Variants in LPP observed in about 807,000 individuals in gnomAD.
LPP encodes lipoma-preferred partner.
Under a neutral mutation model 60.4 loss-of-function variants are expected in LPP, and 38 were observed. The observed-to-expected ratio is 0.63, with a 90% confidence interval of 0.49 to 0.83. LPP has a LOEUF of 0.83. LPP is among the 40% of genes least tolerant of loss of function. The pLI is 0.00. For missense variants in LPP, 902 were observed against 783.6 expected (o/e 1.15, Z -1.80); for synonymous variants, 328 against 290.8 (o/e 1.13, Z -1.30).
At chr3:188,712,136 A>C (rs1221456484) in intron 8 of LPP, 1 of 152,252 alleles carries the variant, frequency 6.6e-6, no homozygotes, top group Non-Finnish European at 1.5e-5. Flanking sequence ...TTGCACATTG[A>C]GATCACATGC....
At chr3:188,563,672 A>G (rs1831338446) in intron 6 of LPP, among the ~76,000 whole-genome samples, 1 of 149,564 alleles carries the variant, frequency 6.7e-6, no homozygotes, top group South Asian at 2.1e-4. Context: ...GCTTCCTTGC[A>G]TATGTATCTT....
At chr3:188,516,779 G>A (rs1032341684) in intron 5 of LPP, among the ~76,000 whole-genome samples, 4 of 151,758 alleles carry the variant, frequency 2.6e-5, no homozygotes, top group African/African-American at 9.7e-5. Context: ...TAAGTTCTTG[G>A]GCCTCACCCA....
intron 6 of LPP, among the ~76,000 whole-genome samples, chr3:188,563,728 G>GTTTT (rs5855207): frequency 1.4e-4 from 20 of 145,144 alleles, no homozygotes; most frequent in African/African-American, 4.3e-4. Flanking sequence ...GTTTTTTTTT[G>GTTTT]TTTTTTTTTT....
intron 5 of LPP, among the ~76,000 whole-genome samples, chr3:188,488,769 TG>T (rs1175350152): frequency 6.6e-6 from 1 of 152,048 alleles, no homozygotes; most frequent in African/African-American, 2.4e-5. Context: ...CCTGAGTAGC[TG>T]GGACTACAGG....
rs774858089 is a variant in LPP, at chr3:188,872,629, C to G, written c.1590-14C>G. ...ACGCGCAGTATCTAACCAGAACTCT[C>G]TCTTCACTTTCAGGAAATTTGCCCC... is the stretch of plus-strand genomic sequence containing the variant. On this transcript the variant is annotated splice_polypyrimidine_tract_variant and intron_variant, in intron 10 of 11. Coordinates refer to ENST00000617246, the MANE Select transcript of LPP (RefSeq NM_001375462.1). 6.2e-7 allele frequency: 1 copy of G among 1,614,076 alleles called. No individual in the cohort carries two copies. The highest frequency in any genetic ancestry group is 1.1e-5 in the South Asian group (1 of 91,076).
chr3:188,431,778 T>C (rs1367934115), intron 4 of LPP, among the ~76,000 whole-genome samples: 1 of 152,186 alleles, frequency 6.6e-6, no homozygotes, highest in Admixed American at 6.5e-5. Flanking sequence ...TGCTCTAAGA[T>C]TGTACAAAAG....
intron 3 of LPP, among the ~76,000 whole-genome samples, chr3:188,397,891 G>A (rs1781352605): frequency 6.6e-6 from 1 of 152,094 alleles, no homozygotes; most frequent in Non-Finnish European, 1.5e-5. Flanking sequence ...TGGGATTACA[G>A]GTCTGAGCCA....
intron 4 of LPP, among the ~76,000 whole-genome samples, chr3:188,434,323 T>C (rs1485454742): frequency 6.6e-6 from 1 of 152,178 alleles, no homozygotes; most frequent in African/African-American, 2.4e-5. Flanking sequence ...ATATATTTTT[T>C]CATATATAGG....
intron 7 of LPP, among the ~76,000 whole-genome samples, chr3:188,675,458 C>T (rs1346022484): frequency 6.6e-6 from 1 of 152,144 alleles, no homozygotes; most frequent in Non-Finnish European, 1.5e-5. Flanking sequence ...GTGAATAGCT[C>T]CTAGCAAATT....
At chr3:188,738,522 C>G (rs181015835) in intron 8 of LPP, among the ~76,000 whole-genome samples, 49 of 152,268 alleles carry the variant, frequency 3.2e-4, no homozygotes, top group African/African-American at 1.2e-3. Flanking sequence ...GAGAATCTTA[C>G]TCTACCCTAG....
In LPP at chr3:188,815,970, A is replaced by C. The variant is rs141960034; in HGVS notation, c.1411-50230A>C. Reference sequence around the variant, plus strand: ...CTGTTGAGACAGGATCCGAAAGTAAATTTCATAAGAAAAAAATGATTATAC... The same window carrying C: ...CTGTTGAGACAGGATCCGAAAGTAACTTTCATAAGAAAAAAATGATTATAC... On this transcript the variant is annotated intron_variant, in intron 9 of 11. Coordinates refer to ENST00000617246, the MANE Select transcript of LPP (RefSeq NM_001375462.1). Among the ~76,000 whole-genome samples the C allele has an allele frequency of 5.3e-4, 81 of 152,314 alleles. 1 individual carries two copies. The highest frequency in any genetic ancestry group is 2.7e-3 in the South Asian group (13 of 4,822).
intron 9 of LPP, among the ~76,000 whole-genome samples, chr3:188,807,507 A>G (rs1177507116): frequency 2.6e-5 from 4 of 151,996 alleles, no homozygotes; most frequent in Non-Finnish European, 5.9e-5. Flanking sequence ...TTCTAACTAC[A>G]TACAGGCTTA....
At chr3:188,806,188 A>G (rs759973057) in intron 9 of LPP, among the ~76,000 whole-genome samples, 2 of 151,920 alleles carry the variant, frequency 1.3e-5, no homozygotes, top group South Asian at 2.1e-4. Context: ...TTTGAGCATA[A>G]TTGTAGGTTT....
At chr3:188,753,798 T>A (rs551568794) in intron 8 of LPP, among the ~76,000 whole-genome samples, 1 of 152,096 alleles carries the variant, frequency 6.6e-6, no homozygotes, top group Admixed American at 6.5e-5. Context: ...TGTATATGTA[T>A]TTGTAGAGGG....
intron 8 of LPP, among the ~76,000 whole-genome samples, chr3:188,730,413 AT>A (rs1720014265): frequency 6.6e-6 from 1 of 152,302 alleles, no homozygotes; most frequent in African/African-American, 2.4e-5. Flanking sequence ...TGTACCACGT[AT>A]TTACAGTGTT....
At chr3:188,730,271 ACTT>A (rs1398821924) in intron 8 of LPP, among the ~76,000 whole-genome samples, 1 of 152,118 alleles carries the variant, frequency 6.6e-6, no homozygotes, top group Non-Finnish European at 1.5e-5. Flanking sequence ...CCTAATTCTG[ACTT>A]CATTATTTAT....
intron 4 of LPP, among the ~76,000 whole-genome samples, chr3:188,478,911 G>A (rs1448330822): frequency 2.0e-5 from 3 of 151,842 alleles, no homozygotes; most frequent in Admixed American, 6.6e-5. Context: ...CTGCTACCAC[G>A]CCTGGCTAAT....
intron 5 of LPP, 110 bp downstream of exon 5, chr3:188,484,814 C>T (rs1028401421): frequency 2.6e-5 from 21 of 808,912 alleles, no homozygotes; most frequent in Admixed American, 1.4e-4. Flanking sequence ...GCTGGATAAA[C>T]ATTTATCCAG....
chr3:188,370,741 ATTTGAGGAGGTCGCTG>A (rs1772801009), intron 3 of LPP, among the ~76,000 whole-genome samples: 1 of 152,176 alleles, frequency 6.6e-6, no homozygotes, highest in Admixed American at 6.5e-5. Context: ...TGGGAAAGCC[ATTTGAGGAGGTCGCTG>A]TGGCATGAAT....
Sources: allele counts gnomAD v4.1 joint callset (sites outside exome capture counted in the v4.1 genomes callset), GRCh38; gene constraint gnomAD v4.1.1; transcripts MANE v1.5; gene names NCBI Gene and HGNC (gene_info 2026-07-23, HGNC 2026-07-21).